Variants in BTBD8 observed in about 807,000 individuals in gnomAD.
BTBD8 encodes BTB/POZ domain-containing protein 8.
In BTBD8, 110 loss-of-function variants were observed where a neutral mutation model predicts 162.9. The ratio of observed to expected loss-of-function variants is 0.68; its 90% CI spans 0.58 to 0.79. BTBD8 has a LOEUF of 0.79. Ranked by LOEUF, BTBD8 falls within the 30% of genes least tolerant of loss-of-function variation. The probability of loss-of-function intolerance (pLI) is 0.00; values close to 1 mark genes in which losing one functional copy is unlikely to be tolerated. For missense variants in BTBD8, 1,905 were observed against 2,085.4 expected, an observed-to-expected ratio of 0.91 and a Z score of 1.68; for synonymous variants, 667 against 716.1, an observed-to-expected ratio of 0.93 and a Z score of 1.10.
chr1:92,166,249 CAT>C (rs1557461888), intron 9 of BTBD8, among the ~76,000 whole-genome samples: 2 of 151,918 alleles, frequency 1.3e-5, no homozygotes, highest in Admixed American at 6.6e-5. Flanking sequence ...CATAAAGAAA[CAT>C]ATTTTGTAGT....
chr1:92,164,077 TACTC>T (rs1279426435), intron 9 of BTBD8, among the ~76,000 whole-genome samples: 4 of 152,202 alleles, frequency 2.6e-5, no homozygotes, highest in Non-Finnish European at 4.4e-5. Flanking sequence ...ATTGTACAGT[TACTC>T]AGGAAGTCAC....
chr1:92,149,404 G>A (rs993921524), intron 9 of BTBD8, among the ~76,000 whole-genome samples: 1 of 152,192 alleles, frequency 6.6e-6, no homozygotes, highest in Non-Finnish European at 1.5e-5. Flanking sequence ...TATTTGTTGT[G>A]TGGAGGGATA....
rs996951210 is a variant in BTBD8, at chr1:92,126,484, C to G, written c.663-3203C>G. Reference sequence around the variant, plus strand: ...TGTCTGAAATCTGCCTCTTGGGCCTCCCTTTTCTCCTCTCCTCAATCCTCT... The same window carrying G: ...TGTCTGAAATCTGCCTCTTGGGCCTGCCTTTTCTCCTCTCCTCAATCCTCT... On this transcript the variant is annotated intron_variant, in intron 4 of 17. Coordinates refer to ENST00000636805, the MANE Select transcript of BTBD8 (RefSeq NM_001376131.1). 9 of 708,372 alleles carry G rather than the reference C, an allele frequency of 1.3e-5. 1 individual carries two copies. Among genetic ancestry groups the G allele is most frequent in the Admixed American group, 1.0e-4 (5 of 48,288 alleles). 43.9% of individuals were successfully genotyped at this position (708,372 alleles called of 1,614,324 possible).
intron 5 of BTBD8, among the ~76,000 whole-genome samples, chr1:92,130,463 T>G (rs1649485584): frequency 6.6e-6 from 1 of 150,402 alleles, no homozygotes; most frequent in Non-Finnish European, 1.5e-5. Context: ...CAGTGGGCCA[T>G]GATTATACCA....
intron 1 of BTBD8, among the ~76,000 whole-genome samples, chr1:92,084,299 AG>A (rs1280887556): frequency 6.6e-6 from 1 of 152,208 alleles, no homozygotes; most frequent in African/African-American, 2.4e-5. Context: ...AACCATTTGC[AG>A]GGCAAACACA....
intron 7 of BTBD8, among the ~76,000 whole-genome samples, chr1:92,143,383 C>G (rs1411988014): frequency 6.6e-6 from 1 of 151,474 alleles, no homozygotes; most frequent in Non-Finnish European, 1.5e-5. Flanking sequence ...CAATAATTCA[C>G]TTTATTTTAA....
intron 4 of BTBD8, chr1:92,115,120 T>G: frequency 2.1e-6 from 1 of 470,880 alleles, no homozygotes; most frequent in Non-Finnish European, 4.2e-6. Context: ...GCCACGCCAT[T>G]GAGCTTCCTG....
In BTBD8 at chr1:92,133,827, G is replaced by A. The variant is rs376894224; in HGVS notation, c.752+4051G>A. 2.2e-3 allele frequency among the ~76,000 whole-genome samples: 339 copies of A among 152,158 alleles called. 4 individuals are homozygous for A. The highest frequency in any genetic ancestry group is 7.2e-3 in the African/African-American group (300 of 41,534). On this transcript the variant is annotated intron_variant, in intron 5 of 17. Coordinates refer to ENST00000636805, the MANE Select transcript of BTBD8 (RefSeq NM_001376131.1). ...CTACTAAAAATACAAAAAATTAGCC[G>A]GGCGTGGTGGCGGGCGCCTGTAGTC...
Position 92,129,763 on chromosome 1 carries a change from G to A in BTBD8, c.739G>A (p.Val247Ile), listed in dbSNP as rs369729043. Reference protein sequence around the residue: ...GCWAESSQEYVTLQGISHVEL... With the variant: ...GCWAESSQEYITLQGISHVEL... Reference sequence around the variant, plus strand: ...TTGGGCTGAAAGCTCCCAAGAGTACGTTACTCTTCAAGGGTAAGCATATTT... The same window carrying A: ...TTGGGCTGAAAGCTCCCAAGAGTACATTACTCTTCAAGGGTAAGCATATTT... Residue 247 changes from valine to isoleucine, a missense_variant, in exon 5 of 18, where the codon GTT becomes ATT. Val to Ile is a conservative substitution (Grantham distance 29). Transcript: ENST00000636805. 18 of 1,613,040 alleles carry A rather than the reference G, an allele frequency of 1.1e-5. No homozygotes were observed. Among genetic ancestry groups the A allele is most frequent in the African/African-American group, 5.3e-5 (4 of 74,854 alleles).
At chr1:92,089,237 T>TG (rs929354494) in intron 2 of BTBD8, among the ~76,000 whole-genome samples, 1 of 152,164 alleles carries the variant, frequency 6.6e-6, no homozygotes, top group African/African-American at 2.4e-5. Flanking sequence ...GTGGCACTAC[T>TG]GGCATTTCAG....
At chr1:92,118,803 C>CTTTTTTTTTTTTTTTTTTTTTTTTTTTT (rs386367658) in intron 4 of BTBD8, among the ~76,000 whole-genome samples, 5 of 95,280 alleles carry the variant, frequency 5.2e-5, no homozygotes, top group African/African-American at 9.3e-5. Flanking sequence ...TTCTTTCTTT[C>CTTTTTTTTTTTTTTTTTTTTTTTTTTTT]TTTTTTTTTT....
chr1:92,166,424 CTTTTTTTTTT>C (rs35849731), intron 9 of BTBD8, among the ~76,000 whole-genome samples: 2 of 120,416 alleles, frequency 1.7e-5, no homozygotes, highest in Admixed American at 1.9e-4. Context: ...TCTTTTCTTT[CTTTTTTTTTT>C]TTTTTTTTGA....
chr1:92,092,976 T>A (rs1331990113), intron 2 of BTBD8, among the ~76,000 whole-genome samples: 3 of 152,204 alleles, frequency 2.0e-5, no homozygotes, highest in African/African-American at 7.2e-5. Flanking sequence ...TTTAGCAGTT[T>A]CTTTAATGAC....
intron 3 of BTBD8, among the ~76,000 whole-genome samples, chr1:92,107,007 A>G (rs1488096426): frequency 1.3e-5 from 2 of 151,962 alleles, no homozygotes; most frequent in African/African-American, 4.8e-5. Context: ...TGAGCCCAGG[A>G]TTTTGAAGCT....
At chr1:92,177,985 A>G in intron 15 of BTBD8, 87 bp downstream of exon 15, 1 of 646,632 alleles carries the variant, frequency 1.5e-6, no homozygotes, top group Admixed American at 3.4e-5. Context: ...TATTTTTAAA[A>G]TATCTTTTAT....
At chr1:92,146,264 T>TGGTTTTAAAA (rs1332118783) in intron 7 of BTBD8, among the ~76,000 whole-genome samples, 1 of 152,180 alleles carries the variant, frequency 6.6e-6, no homozygotes, top group African/African-American at 2.4e-5. Context: ...TAGTGACACT[T>TGGTTTTAAAA]GGTTTTAAAA....
chr1:92,178,437 T>C lies in BTBD8; in HGVS notation c.2567T>C (p.Leu856Pro). The C allele has an allele frequency of 6.5e-7, 1 of 1,547,774 alleles. No homozygotes were observed. The highest frequency in any genetic ancestry group is 8.7e-7 in the Non-Finnish European group (1 of 1,145,500). Reference protein sequence around the residue: ...QQRTKSTPSNLTKTQGSQGES... With the variant: ...QQRTKSTPSNPTKTQGSQGES... ...AGGACAAAGAGTACCCCATCTAATC[T>C]TACTAAAACTCAAGGTAAAGCTGAA... The change falls in exon 16 of 18, where the codon CTT (leucine) becomes CCT (proline). Residue 856 changes from leucine (L) to proline (P), a missense_variant. Transcript: ENST00000636805.
chr1:92,101,313 C>T (rs963066442), intron 2 of BTBD8, among the ~76,000 whole-genome samples: 1 of 152,208 alleles, frequency 6.6e-6, no homozygotes, highest in Non-Finnish European at 1.5e-5. Context: ...GGATACTTGA[C>T]ATTGATGGTT....
At chr1:92,115,505 G>A (rs2101914319) in intron 4 of BTBD8, 2 of 420,188 alleles carry the variant, frequency 4.8e-6, no homozygotes, top group Non-Finnish European at 9.2e-6. Flanking sequence ...TAGTGAAGAT[G>A]CCAGTGGACT....
Sources: allele counts gnomAD v4.1 joint callset (sites outside exome capture counted in the v4.1 genomes callset), GRCh38; gene constraint gnomAD v4.1.1; transcripts MANE v1.5; gene names NCBI Gene and HGNC (gene_info 2026-07-23, HGNC 2026-07-21).